UNC5C: variants seen among roughly 807,000 people sequenced by gnomAD.
UNC5C encodes unc-5 netrin receptor C.
In UNC5C, 47 loss-of-function variants were observed where a neutral mutation model predicts 99.8. The ratio of observed to expected loss-of-function variants is 0.47; its 90% CI spans 0.37 to 0.60. The LOEUF (loss-of-function observed/expected upper bound fraction) is 0.60. Ranked by LOEUF, UNC5C falls within the 20% of genes least tolerant of loss-of-function variation. UNC5C has a pLI of 0.00. For missense variants in UNC5C, 1,062 were observed against 1,165.9 expected (o/e 0.91, Z 1.30); for synonymous variants, 487 against 452.2 (o/e 1.08, Z -0.98).
intron 1 of UNC5C, among the ~76,000 whole-genome samples, chr4:95,447,690 G>A (rs372556818): frequency 1.8e-3 from 281 of 152,104 alleles, no homozygotes; most frequent in African/African-American, 6.4e-3. Flanking sequence ...TAGTAGAGAC[G>A]GGGTTTCACC....
At chr4:95,453,937 C>A (rs1283361199) in intron 1 of UNC5C, among the ~76,000 whole-genome samples, 3 of 151,902 alleles carry the variant, frequency 2.0e-5, no homozygotes, top group Admixed American at 6.6e-5. Flanking sequence ...AAAATTAAAA[C>A]GATTGAAATC....
At chr4:95,170,003 C>T (rs1313290329) in intron 15 of UNC5C, 151 bp downstream of exon 15, 7 of 987,690 alleles carry the variant, frequency 7.1e-6, no homozygotes, top group Non-Finnish European at 8.8e-6. Context: ...GTGCAAGGTA[C>T]AAGGACAGAG....
At chr4:95,423,853 G>A (rs745872173) in intron 1 of UNC5C, among the ~76,000 whole-genome samples, 6 of 152,088 alleles carry the variant, frequency 3.9e-5, no homozygotes, top group Non-Finnish European at 7.4e-5. Flanking sequence ...AAACGTTCTC[G>A]AACATCTTTT....
At chr4:95,222,416 C>G (rs1237255588) in intron 7 of UNC5C, 2 of 519,718 alleles carry the variant, frequency 3.8e-6, no homozygotes, top group Non-Finnish European at 3.3e-6. Flanking sequence ...TATGATTTTG[C>G]ATCTCCTGTC....
intron 10 of UNC5C, among the ~76,000 whole-genome samples, chr4:95,207,937 G>C (rs1406012915): frequency 6.6e-6 from 1 of 152,108 alleles, no homozygotes; most frequent in African/African-American, 2.4e-5. Flanking sequence ...ATGCTACACT[G>C]TTTCATATAT....
chr4:95,197,274 C>T (rs1342595408), intron 12 of UNC5C, among the ~76,000 whole-genome samples: 1 of 151,522 alleles, frequency 6.6e-6, no homozygotes, highest in East Asian at 1.9e-4. Flanking sequence ...CTCTCCTGGA[C>T]TCATTCCCTG....
intron 2 of UNC5C, among the ~76,000 whole-genome samples, chr4:95,332,059 T>G (rs138656497): frequency 0.051 from 7,675 of 151,902 alleles, 614 homozygotes; most frequent in African/African-American, 0.17. Context: ...CACTGCTCAA[T>G]GAAATAAAAG....
chr4:95,210,945 G>C (rs1738055171), intron 10 of UNC5C, among the ~76,000 whole-genome samples: 2 of 152,314 alleles, frequency 1.3e-5, no homozygotes, highest in Admixed American at 6.5e-5. Flanking sequence ...TTCCAGAAGA[G>C]GAAACTGAAA....
At chr4:95,296,341 T>G (rs1348548633) in intron 3 of UNC5C, among the ~76,000 whole-genome samples, 1 of 152,180 alleles carries the variant, frequency 6.6e-6, no homozygotes, top group Non-Finnish European at 1.5e-5. Context: ...GGTGAAAAGG[T>G]ACCTTGGATA....
At chr4:95,485,294 G>T (rs142746412) in intron 1 of UNC5C, among the ~76,000 whole-genome samples, 1 of 151,818 alleles carries the variant, frequency 6.6e-6, no homozygotes, top group East Asian at 2.0e-4. Flanking sequence ...CTATTTTAAT[G>T]ATACTAAATG....
intron 1 of UNC5C, among the ~76,000 whole-genome samples, chr4:95,354,479 A>ATATATATATATATTTTTT: frequency 4.8e-4 from 53 of 110,340 alleles, no homozygotes; most frequent in African/African-American, 1.8e-3. Flanking sequence ...ATATATATAT[A>ATATATATATATATTTTTT]TTTTTTTTTT....
chr4:95,534,418 A>G (rs1472394057), intron 1 of UNC5C, among the ~76,000 whole-genome samples: 1 of 152,212 alleles, frequency 6.6e-6, no homozygotes, highest in Non-Finnish European at 1.5e-5. Flanking sequence ...TAATTTTACA[A>G]TGACACATTT....
intron 3 of UNC5C, among the ~76,000 whole-genome samples, chr4:95,281,843 T>C (rs911379878): frequency 6.6e-6 from 1 of 152,212 alleles, no homozygotes; most frequent in East Asian, 1.9e-4. Context: ...CCTTTTAATT[T>C]TGGGGACTGG....
At chr4:95,190,650 CTT>C (rs1737045280) in intron 12 of UNC5C, among the ~76,000 whole-genome samples, 2 of 152,162 alleles carry the variant, frequency 1.3e-5, no homozygotes, top group South Asian at 4.1e-4. Flanking sequence ...ACCCCTCTAA[CTT>C]TTCCTTGCAA....
intron 12 of UNC5C, among the ~76,000 whole-genome samples, 189 bp downstream of exon 12, chr4:95,202,542 G>A (rs1011495724): frequency 4.5e-4 from 69 of 152,240 alleles, no homozygotes; most frequent in African/African-American, 1.6e-3. Flanking sequence ...AGGAATCAGT[G>A]TAAACAGCTC....
At chr4:95,392,020 G>T (rs941197946) in intron 1 of UNC5C, among the ~76,000 whole-genome samples, 1 of 152,158 alleles carries the variant, frequency 6.6e-6, no homozygotes, top group Non-Finnish European at 1.5e-5. Context: ...TCGTGCCATT[G>T]CACTCCAGCC....
intron 1 of UNC5C, among the ~76,000 whole-genome samples, chr4:95,523,826 A>C (rs1234763031): frequency 6.6e-6 from 1 of 152,212 alleles, no homozygotes; most frequent in Non-Finnish European, 1.5e-5. Context: ...AAATGTCAAA[A>C]GTATCAATCC....
chr4:95,177,897 G>T (rs1579201548), intron 14 of UNC5C, among the ~76,000 whole-genome samples: 1 of 150,298 alleles, frequency 6.7e-6, no homozygotes, highest in Non-Finnish European at 1.5e-5. Context: ...AAGAGATGAT[G>T]GGGTCTCACT....
intron 1 of UNC5C, among the ~76,000 whole-genome samples, chr4:95,514,658 T>C (rs58281745): frequency 0.036 from 5,393 of 148,616 alleles, 310 homozygotes; most frequent in African/African-American, 0.13. Context: ...TATATATATA[T>C]ACATATATAC....
Sources: gnomAD v4.1 joint callset for allele counts (sites outside exome capture counted in the v4.1 genomes callset) on GRCh38, gnomAD v4.1.1 for gene constraint, MANE v1.5 for transcripts, NCBI Gene and HGNC (gene_info 2026-07-23, HGNC 2026-07-21) for gene names.